The following SFMBT1 variants were observed in gnomAD, a reference collection of about 807,000 sequenced individuals.
SFMBT1 encodes Scm like with four mbt domains 1.
In SFMBT1, 32 loss-of-function variants were observed where a neutral mutation model predicts 108.7. That is an observed-to-expected ratio of 0.29 (90% CI 0.22 to 0.40). The LOEUF (loss-of-function observed/expected upper bound fraction) is 0.40. Among genes scored for constraint, SFMBT1 ranks in the 10% least tolerant of loss-of-function variants. SFMBT1 has a pLI of 1.00. For synonymous variants in SFMBT1, 348 were observed against 369.5 expected (o/e 0.94, Z 0.67); for missense variants, 816 against 1,059.6 (o/e 0.77, Z 3.19).
At chr3:52,975,086 C>G (rs913294272) in intron 1 of SFMBT1, among the ~76,000 whole-genome samples, 1 of 150,638 alleles carries the variant, frequency 6.6e-6, no homozygotes, top group Admixed American at 6.6e-5. Context: ...GTTGAATAAA[C>G]TGGTACTAAT....
At chr3:53,000,008 G>A (rs1032565253) in intron 1 of SFMBT1, among the ~76,000 whole-genome samples, 3 of 150,014 alleles carry the variant, frequency 2.0e-5, no homozygotes, top group Non-Finnish European at 4.5e-5. Context: ...ACAGGCATGT[G>A]CCACCACATC....
chr3:52,993,883 TA>T lies in SFMBT1; in HGVS notation c.-130-24626del, dbSNP rs886289575. On this transcript the variant is annotated intron_variant, in intron 1 of 20. Transcript: ENST00000394752. ...AGACAGAAGCATCGTAAGTCAAAGC[TA>T]AAAAAAAGCAACCAATTATTATATA... Among the ~76,000 whole-genome samples, 9 of 149,676 alleles carry T rather than the reference TA, an allele frequency of 6.0e-5. 3 individuals are homozygous for T. The highest frequency in any genetic ancestry group is 2.1e-4 in the South Asian group (1 of 4,724).
rs372095556 is a variant in SFMBT1, at chr3:53,004,312, C to T, written c.-130-35054G>A. Among the ~76,000 whole-genome samples the T allele has an allele frequency of 3.0e-4, 43 of 144,314 alleles. 2 individuals carry two copies. Among genetic ancestry groups the T allele is most frequent in the African/African-American group, 1.0e-3 (42 of 40,140 alleles). The allele number at this position is 144,314 out of a possible 152,430, so 94.7% of individuals were successfully genotyped here. On this transcript the variant is annotated intron_variant, in intron 1 of 20. Coordinates refer to ENST00000394752, the MANE Select transcript of SFMBT1 (RefSeq NM_016329.4). The stretch of plus-strand genomic sequence containing the variant: ...TCTTTTAGATGGAGTCTCGCTCTGT[C>T]GCCAGGCTGGAGTGCAGTGGCGTGA...
intron 1 of SFMBT1, among the ~76,000 whole-genome samples, chr3:53,019,766 T>C (rs1417772592): frequency 6.6e-6 from 1 of 152,178 alleles, no homozygotes; most frequent in Non-Finnish European, 1.5e-5. Context: ...CCATTCTCCA[T>C]AGAGCATACA....
At chr3:53,005,678 T>G (rs1406293951) in intron 1 of SFMBT1, among the ~76,000 whole-genome samples, 1 of 152,088 alleles carries the variant, frequency 6.6e-6, no homozygotes, top group Non-Finnish European at 1.5e-5. Flanking sequence ...AGCAAAAACA[T>G]AGAGATGACA....
At chr3:52,953,157 G>A (rs1703651966) in intron 3 of SFMBT1, among the ~76,000 whole-genome samples, 5 of 152,198 alleles carry the variant, frequency 3.3e-5, no homozygotes, top group Admixed American at 6.5e-5. Flanking sequence ...GAGGGAGTTT[G>A]AGTAAACAGG....
chr3:53,009,533 G>A (rs1698871726), intron 1 of SFMBT1, among the ~76,000 whole-genome samples: 1 of 152,182 alleles, frequency 6.6e-6, no homozygotes, highest in South Asian at 2.1e-4. Context: ...GAAATCTGGT[G>A]CTAGATAATA....
At chr3:53,028,858 A>G (rs1228802605) in intron 1 of SFMBT1, among the ~76,000 whole-genome samples, 1 of 151,880 alleles carries the variant, frequency 6.6e-6, no homozygotes, top group African/African-American at 2.4e-5. Flanking sequence ...TGGTGTGAAC[A>G]CTCTCTGAGC....
intron 1 of SFMBT1, among the ~76,000 whole-genome samples, chr3:53,019,457 C>T (rs375632021): frequency 5.9e-5 from 9 of 152,136 alleles, no homozygotes; most frequent in African/African-American, 2.2e-4. Flanking sequence ...TATCCAACTA[C>T]TCATTTGGAA....
chr3:52,922,605 A>G (rs1702552570), intron 10 of SFMBT1, among the ~76,000 whole-genome samples: 1 of 152,214 alleles, frequency 6.6e-6, no homozygotes, highest in Non-Finnish European at 1.5e-5. Flanking sequence ...TAAGAACTGG[A>G]AGAACTGCCA....
intron 1 of SFMBT1, among the ~76,000 whole-genome samples, chr3:52,969,692 T>C (rs1704273327): frequency 6.6e-6 from 1 of 152,202 alleles, no homozygotes; most frequent in African/African-American, 2.4e-5. Flanking sequence ...TATCTAATTT[T>C]CCATCTCATC....
At chr3:52,985,450 CACAGA>C (rs1704871238) in intron 1 of SFMBT1, among the ~76,000 whole-genome samples, 1 of 152,192 alleles carries the variant, frequency 6.6e-6, no homozygotes, top group Non-Finnish European at 1.5e-5. Context: ...TAATTAGGCA[CACAGA>C]ACACTGTCCA....
At chr3:52,966,399 G>A (rs1169887938) in intron 2 of SFMBT1, among the ~76,000 whole-genome samples, 1 of 150,916 alleles carries the variant, frequency 6.6e-6, no homozygotes, top group Non-Finnish European at 1.5e-5. Context: ...GCCGAGACAG[G>A]TGGATCACAG....
At chr3:53,035,881 C>A (rs529114524) in intron 1 of SFMBT1, among the ~76,000 whole-genome samples, 2 of 152,368 alleles carry the variant, frequency 1.3e-5, no homozygotes, top group East Asian at 3.9e-4. Flanking sequence ...GCGTGAGCAA[C>A]CGCACCCGGC....
intron 1 of SFMBT1, among the ~76,000 whole-genome samples, chr3:53,022,935 CACTAA>C (rs1359868746): frequency 6.6e-6 from 1 of 152,112 alleles, no homozygotes; most frequent in Non-Finnish European, 1.5e-5. Context: ...CATTTAATAC[CACTAA>C]ACTATACACT....
intron 1 of SFMBT1, among the ~76,000 whole-genome samples, chr3:53,004,228 CCCTT>C (rs1379509732): frequency 1.6e-5 from 2 of 123,606 alleles, no homozygotes; most frequent in African/African-American, 3.0e-5. Context: ...CTCCCTCCCT[CCCTT>C]CCTCCTTCCC....
chr3:52,921,613 A>G, intron 11 of SFMBT1, 92 bp downstream of exon 11: 1 of 1,359,098 alleles, frequency 7.4e-7, no homozygotes, highest in Non-Finnish European at 1.0e-6. Flanking sequence ...TATTTAACTA[A>G]TCCATTAAGT....
At chr3:52,947,838 G>A (rs574558004) in intron 3 of SFMBT1, among the ~76,000 whole-genome samples, 123 of 151,840 alleles carry the variant, frequency 8.1e-4, no homozygotes, top group Admixed American at 9.8e-4. Flanking sequence ...GGGCTCAAGT[G>A]ATTCTCCTGC....
rs1702565389 is a variant in SFMBT1, at chr3:52,923,141, G to A, written c.1132-1310C>T. On this transcript the variant is annotated intron_variant, in intron 10 of 20. Transcript: ENST00000394752. ...AGACACCTAAGAAGATGAAAGTTAG[G>A]ACCAAAACAGACAAGCAACTTGGAA... Among the ~76,000 whole-genome samples the A allele has an allele frequency of 2.0e-5, 3 of 152,240 alleles. No individual in the cohort carries two copies. In the South Asian group the frequency reaches 6.2e-4, roughly 32 times the overall value.
Sources: allele counts gnomAD v4.1 joint callset (sites outside exome capture counted in the v4.1 genomes callset), GRCh38; gene constraint gnomAD v4.1.1; transcripts MANE v1.5; gene names NCBI Gene and HGNC (gene_info 2026-07-23, HGNC 2026-07-21).